The following TMTC1 variants were observed in gnomAD, a reference collection of about 807,000 sequenced individuals.
The protein encoded by TMTC1 is protein O-mannosyl-transferase TMTC1.
A neutral mutation model predicts 104.8 loss-of-function variants in TMTC1; 73 were observed. The ratio of observed to expected loss-of-function variants is 0.70; its 90% CI spans 0.58 to 0.85. TMTC1 has a LOEUF of 0.85. TMTC1 is among the 40% of genes least tolerant of loss of function. The probability of loss-of-function intolerance (pLI) is 0.00; values close to 1 mark genes in which losing one functional copy is unlikely to be tolerated. For synonymous variants in TMTC1, 434 were observed against 428.7 expected (o/e 1.01, Z -0.15); for missense variants, 1,035 against 1,096.1 (o/e 0.94, Z 0.79).
intron 16 of TMTC1, among the ~76,000 whole-genome samples, chr12:29,514,099 T>C (rs1395952925): frequency 6.6e-6 from 1 of 152,060 alleles, no homozygotes; most frequent in Non-Finnish European, 1.5e-5. Flanking sequence ...AATCTCATCC[T>C]CCAAGTCAAG....
At chr12:29,599,606 C>A (rs778722410) in intron 7 of TMTC1, among the ~76,000 whole-genome samples, 2 of 152,152 alleles carry the variant, frequency 1.3e-5, no homozygotes, top group Non-Finnish European at 1.5e-5. Context: ...TGTAAAATGG[C>A]CAAATCAGCC....
chr12:29,524,061 G>C (rs1344038909), intron 11 of TMTC1, among the ~76,000 whole-genome samples: 1 of 151,962 alleles, frequency 6.6e-6, no homozygotes, highest in Non-Finnish European at 1.5e-5. Context: ...ATCATTTATT[G>C]GTTATGATGT....
At chr12:29,737,389 A>C (rs1942707614) in intron 5 of TMTC1, among the ~76,000 whole-genome samples, 1 of 152,196 alleles carries the variant, frequency 6.6e-6, no homozygotes, top group African/African-American at 2.4e-5. Flanking sequence ...CTGGTGGCGC[A>C]TGCCTGTAAT....
At chr12:29,742,039 C>G (rs989288770) in intron 5 of TMTC1, among the ~76,000 whole-genome samples, 2 of 152,130 alleles carry the variant, frequency 1.3e-5, no homozygotes, top group African/African-American at 4.8e-5. Flanking sequence ...AAATCACACT[C>G]CTTTCATAGT....
At chr12:29,650,893 A>T (rs1939488145) in intron 5 of TMTC1, among the ~76,000 whole-genome samples, 1 of 152,244 alleles carries the variant, frequency 6.6e-6, no homozygotes, top group Non-Finnish European at 1.5e-5. Context: ...TTATCTAAAA[A>T]GCTAGACCTG....
chr12:29,729,074 GACAAAC>G (rs1942480927), intron 5 of TMTC1, among the ~76,000 whole-genome samples: 4 of 150,690 alleles, frequency 2.7e-5, no homozygotes, highest in Non-Finnish European at 4.4e-5. Flanking sequence ...AGACTCTGGA[GACAAAC>G]TCCCAAGTTC....
At chr12:29,515,977 A>G (rs1943974000) in intron 15 of TMTC1, among the ~76,000 whole-genome samples, 1 of 151,290 alleles carries the variant, frequency 6.6e-6, no homozygotes, top group Non-Finnish European at 1.5e-5. Flanking sequence ...ATATTGTTTT[A>G]TGTAATCCTC....
At chr12:29,576,509 C>T (rs1253784955) in intron 8 of TMTC1, among the ~76,000 whole-genome samples, 1 of 152,114 alleles carries the variant, frequency 6.6e-6, no homozygotes, top group South Asian at 2.1e-4. Flanking sequence ...GGACACTATG[C>T]TAAGTAAAGC....
chr12:29,530,611 A>C (rs1032349796), intron 11 of TMTC1, among the ~76,000 whole-genome samples: 22 of 152,168 alleles, frequency 1.4e-4, no homozygotes, highest in Admixed American at 1.4e-3. Flanking sequence ...AATCTGTTGA[A>C]CATGTATACT....
At chr12:29,597,106 A>C (rs1259807393) in intron 7 of TMTC1, among the ~76,000 whole-genome samples, 1 of 152,136 alleles carries the variant, frequency 6.6e-6, no homozygotes, top group Non-Finnish European at 1.5e-5. Context: ...TCTTGAAGAC[A>C]GCCATCTGAC....
At chr12:29,550,164 A>C (rs773832500) in intron 10 of TMTC1, among the ~76,000 whole-genome samples, 1 of 152,178 alleles carries the variant, frequency 6.6e-6, no homozygotes. Context: ...ATGAAAAAAA[A>C]AATTGAGAAA....
chr12:29,698,644 C>T (rs1941493780), intron 5 of TMTC1, among the ~76,000 whole-genome samples: 1 of 152,094 alleles, frequency 6.6e-6, no homozygotes, highest in South Asian at 2.1e-4. Context: ...TTGCCTCATT[C>T]CCCCCAAACA....
chr12:29,751,900 A>T, intron 4 of TMTC1, 28 bp from the exon 5 acceptor site: 1 of 1,508,032 alleles, frequency 6.6e-7, no homozygotes, highest in Non-Finnish European at 8.9e-7. Context: ...GAGGGAAAAC[A>T]AAGTCAACCA....
chr12:29,556,178 A>G (rs375824512), intron 10 of TMTC1, among the ~76,000 whole-genome samples: 4 of 152,192 alleles, frequency 2.6e-5, no homozygotes, highest in African/African-American at 9.6e-5. Context: ...AGCACCCTTT[A>G]CTGTAGTCTT....
intron 6 of TMTC1, among the ~76,000 whole-genome samples, chr12:29,612,227 C>T (rs1431064107): frequency 1.3e-5 from 2 of 152,142 alleles, no homozygotes; most frequent in African/African-American, 4.8e-5. Context: ...AAATGAGACA[C>T]TGCTGAGGAC....
intron 5 of TMTC1, among the ~76,000 whole-genome samples, chr12:29,746,811 C>T (rs1942966192): frequency 6.6e-6 from 1 of 152,154 alleles, no homozygotes; most frequent in Non-Finnish European, 1.5e-5. Flanking sequence ...AAATGAAAAT[C>T]TAACCATTAT....
chr12:29,706,947 C>A (rs186659968), intron 5 of TMTC1, among the ~76,000 whole-genome samples: 1 of 152,248 alleles, frequency 6.6e-6, no homozygotes, highest in Non-Finnish European at 1.5e-5. Flanking sequence ...GGATTGAAAG[C>A]AGCAAGTGGA....
At chr12:29,707,992 C>G (rs1460605074) in intron 5 of TMTC1, among the ~76,000 whole-genome samples, 1 of 152,142 alleles carries the variant, frequency 6.6e-6, no homozygotes, top group Admixed American at 6.5e-5. Context: ...TGTAGTGAAC[C>G]CCTGCTGAGA....
intron 10 of TMTC1, among the ~76,000 whole-genome samples, chr12:29,536,730 T>G (rs1944655744): frequency 1.3e-5 from 2 of 152,204 alleles, no homozygotes; most frequent in African/African-American, 2.4e-5. Context: ...GTCACACCAC[T>G]GCAGGCTGAG....
Sources: gnomAD v4.1 joint callset for allele counts (sites outside exome capture counted in the v4.1 genomes callset) on GRCh38, gnomAD v4.1.1 for gene constraint, MANE v1.5 for transcripts, NCBI Gene and HGNC (gene_info 2026-07-23, HGNC 2026-07-21) for gene names.